Variants in PCDH11X observed in about 807,000 individuals in gnomAD.
PCDH11X encodes the protein protocadherin 11 X-linked.
PCDH11X carries 18 observed loss-of-function variants against 53.3 expected under a neutral mutation model. The ratio of observed to expected loss-of-function variants is 0.34; its 90% CI spans 0.23 to 0.50. The LOEUF is 0.50. Among genes scored for constraint, PCDH11X ranks in the 20% least tolerant of loss-of-function variants. The pLI, the probability that PCDH11X is intolerant of heterozygous loss-of-function variation, is 0.98. For missense variants in PCDH11X, 570 were observed against 1,032.4 expected (o/e 0.55, Z 6.14); for synonymous variants, 279 against 393.3 (o/e 0.71, Z 3.44).
chrX:91,995,495 A>G (rs1330854543), intron 6 of PCDH11X, among the ~76,000 whole-genome samples: 1 of 111,021 alleles, frequency 9.0e-6, no homozygotes, highest in Non-Finnish European at 1.9e-5. Context: ...TTAACTGTCT[A>G]TGTGTGGGTT....
chrX:92,605,626 G>A (rs1926710332), intron 10 of PCDH11X, among the ~76,000 whole-genome samples: 1 of 111,591 alleles, frequency 9.0e-6, no homozygotes, highest in African/African-American at 3.3e-5. Context: ...CTTCAGCAGT[G>A]CTTCAAGGTA....
chrX:91,920,503 G>A (rs767001467), intron 6 of PCDH11X, among the ~76,000 whole-genome samples: 1 of 110,178 alleles, frequency 9.1e-6, no homozygotes, highest in South Asian at 3.9e-4. Flanking sequence ...TTGAAAGAAG[G>A]CAAATATATA....
intron 10 of PCDH11X, among the ~76,000 whole-genome samples, chrX:92,480,237 T>G (rs2073473891): frequency 9.0e-6 from 1 of 111,646 alleles, no homozygotes; most frequent in African/African-American, 3.3e-5. Context: ...CTATTTTGTT[T>G]GTTAGTTGTT....
At chrX:91,827,312 T>C (rs1936957370) in intron 4 of PCDH11X, among the ~76,000 whole-genome samples, 1 of 111,501 alleles carries the variant, frequency 9.0e-6, no homozygotes, top group Non-Finnish European at 1.9e-5. Flanking sequence ...ATGGGGTTGT[T>C]TTTTTCTTGT....
intron 8 of PCDH11X, among the ~76,000 whole-genome samples, chrX:92,356,147 A>G (rs1421949619): frequency 9.0e-6 from 1 of 111,402 alleles, no homozygotes; most frequent in African/African-American, 3.3e-5. Flanking sequence ...GTTTTTCTCT[A>G]TTTCTTTGAT....
At chrX:91,788,672 A>G (rs1935411366) in intron 1 of PCDH11X, among the ~76,000 whole-genome samples, 1 of 112,167 alleles carries the variant, frequency 8.9e-6, no homozygotes, top group Non-Finnish European at 1.9e-5. Flanking sequence ...GGTAGGCAGG[A>G]AAATTATGCC....
chrX:91,906,743 A>C (rs1313638417), intron 6 of PCDH11X, among the ~76,000 whole-genome samples: 1 of 111,790 alleles, frequency 8.9e-6, no homozygotes, highest in Non-Finnish European at 1.9e-5. Flanking sequence ...CCTAGTAACC[A>C]GCTTGGTTTC....
At chrX:92,412,601 T>C (rs1774863071) in intron 9 of PCDH11X, among the ~76,000 whole-genome samples, 1 of 101,902 alleles carries the variant, frequency 9.8e-6, no homozygotes, top group Non-Finnish European at 2.0e-5. Flanking sequence ...TTTTTTTTTA[T>C]AAACCAGCAT....
At position 92,175,546 on chromosome X, in the gene PCDH11X, C is replaced by A. The variant is rs1244719969; in HGVS notation, c.3034-25829C>A. Among the ~76,000 whole-genome samples, 3 of 108,856 alleles carry A rather than the reference C, an allele frequency of 2.8e-5. No homozygotes were observed. The East Asian group carries it at 8.8e-4, about 32-fold the overall frequency. The allele number at this position is 108,856 out of a possible 115,157, so 94.5% of individuals were successfully genotyped here. A position where few individuals can be genotyped will look rare whatever the true frequency, so the allele number is the denominator to read the frequency against. On this transcript the variant is annotated intron_variant, in intron 6 of 10. Transcript: ENST00000682573. ...TAAATTTTTGAAGCAGGTATGAATC[C>A]TATATAGAAATTACCACTAACTAAT...
rs375018462 is a variant in PCDH11X at position 91,807,479 on chromosome X, G to GGAGA, written c.-378-1970_-378-1967dup. ...TTTTGTGTGTGTGTGTCTGTGAGGG[G>GGAGA]GAGAGAGAGAGAGAGAGAGAAATAT... On this transcript the variant is annotated intron_variant, in intron 1 of 10. Transcript: ENST00000682573. 1.6e-4 allele frequency among the ~76,000 whole-genome samples: 17 copies of GGAGA among 108,805 alleles called. No individual in the cohort carries two copies. In the South Asian group the frequency reaches 6.6e-3, roughly 42 times the overall value. 94.5% of individuals were successfully genotyped at this position (108,805 alleles called of 115,157 possible).
intron 9 of PCDH11X, chrX:92,420,603 C>T (rs2071942689): frequency 3.3e-6 from 1 of 299,561 alleles, no homozygotes; most frequent in African/African-American, 2.8e-5. Context: ...TGCTTTCTTT[C>T]ATCATTTTAA....
intron 6 of PCDH11X, among the ~76,000 whole-genome samples, chrX:91,984,251 C>T (rs1186886429): frequency 2.0e-5 from 2 of 100,872 alleles, no homozygotes; most frequent in Non-Finnish European, 4.0e-5. Context: ...AATAAATATT[C>T]TGCTAGCTTT....
At chrX:92,254,262 C>T (rs977232961) in intron 7 of PCDH11X, among the ~76,000 whole-genome samples, 1 of 111,243 alleles carries the variant, frequency 9.0e-6, no homozygotes, top group South Asian at 3.9e-4. Context: ...AGGATTGCAA[C>T]CCCTGCCTTT....
chrX:92,051,477 T>A lies in PCDH11X; in HGVS notation c.3034-149898T>A, dbSNP rs766789331. The stretch of plus-strand genomic sequence containing the variant: ...GAAATGTACCTGTATATTAATTAGG[T>A]GTTTACTATTTATGGCCAGAAACAA... On this transcript the variant is annotated intron_variant, in intron 6 of 10. Transcript: ENST00000682573. 4.5e-5 allele frequency among the ~76,000 whole-genome samples: 5 copies of A among 111,810 alleles called. No individual in the cohort carries two copies. In the East Asian group the frequency reaches 1.1e-3, roughly 25 times the overall value.
chrX:92,315,298 T>C (rs1311131223), intron 8 of PCDH11X, among the ~76,000 whole-genome samples: 1 of 112,260 alleles, frequency 8.9e-6, no homozygotes, highest in African/African-American at 3.2e-5. Context: ...TTGGCATCTA[T>C]CCATTAAATT....
chrX:92,589,204 G>T (rs765702296), intron 10 of PCDH11X, among the ~76,000 whole-genome samples: 2 of 111,256 alleles, frequency 1.8e-5, no homozygotes, highest in East Asian at 5.6e-4. Flanking sequence ...ATGCTAGAGG[G>T]TGTACTTGAA....
chrX:92,039,207 C>T (rs1569321911), intron 6 of PCDH11X, among the ~76,000 whole-genome samples: 1 of 110,475 alleles, frequency 9.1e-6, no homozygotes, highest in African/African-American at 3.3e-5. Context: ...CCACTGTAAC[C>T]ACTACCAGGC....
intron 6 of PCDH11X, among the ~76,000 whole-genome samples, chrX:92,194,848 T>A (rs2066266976): frequency 9.0e-6 from 1 of 111,216 alleles, no homozygotes; most frequent in Non-Finnish European, 1.9e-5. Flanking sequence ...TATTTCAACA[T>A]GTCCAGATAA....
chrX:92,564,968 T>C (rs1921293830), intron 10 of PCDH11X, among the ~76,000 whole-genome samples: 2 of 110,816 alleles, frequency 1.8e-5, no homozygotes, highest in Admixed American at 9.6e-5. Context: ...AAGATCTGAA[T>C]AGACATTTCT....
Sources: gnomAD v4.1 joint callset for allele counts (sites outside exome capture counted in the v4.1 genomes callset) on GRCh38, gnomAD v4.1.1 for gene constraint, MANE v1.5 for transcripts, NCBI Gene and HGNC (gene_info 2026-07-23, HGNC 2026-07-21) for gene names.